The following GRK3 variants were observed in gnomAD, a reference collection of about 807,000 sequenced individuals.
GRK3 encodes the protein G protein-coupled receptor kinase 3, also known as adrenergic, beta, receptor kinase 2.
A neutral mutation model predicts 95.7 loss-of-function variants in GRK3; 54 were observed. The ratio of observed to expected loss-of-function variants is 0.56; its 90% CI spans 0.45 to 0.71. GRK3 has a LOEUF of 0.71. Ranked by LOEUF, GRK3 falls within the 30% of genes least tolerant of loss-of-function variation. The probability of loss-of-function intolerance (pLI) is 0.00; values close to 1 mark genes in which losing one functional copy is unlikely to be tolerated. For synonymous variants in GRK3, 281 were observed against 290.8 expected (o/e 0.97, Z 0.34); for missense variants, 649 against 851.2 (o/e 0.76, Z 2.96).
intron 1 of GRK3, among the ~76,000 whole-genome samples, chr22:25,572,192 C>CT (rs1437635463): frequency 6.6e-6 from 1 of 152,040 alleles, no homozygotes; most frequent in South Asian, 2.1e-4. Context: ...TAAACTCATC[C>CT]TTTTTTATGG....
chr22:25,638,300 A>G (rs533061804), intron 2 of GRK3, among the ~76,000 whole-genome samples: 2 of 152,358 alleles, frequency 1.3e-5, no homozygotes, highest in East Asian at 1.9e-4. Context: ...TAAATGCTAC[A>G]CTAGGAAGTC....
intron 2 of GRK3, among the ~76,000 whole-genome samples, chr22:25,609,823 C>T (rs2084482117): frequency 6.7e-6 from 1 of 150,134 alleles, no homozygotes; most frequent in Non-Finnish European, 1.5e-5. Context: ...GATATATAGA[C>T]ACAAAAACTT....
At chr22:25,713,197 C>G (rs933630360) in intron 17 of GRK3, among the ~76,000 whole-genome samples, 1 of 152,130 alleles carries the variant, frequency 6.6e-6, no homozygotes, top group Non-Finnish European at 1.5e-5. Context: ...CAGAGCCTGT[C>G]CCTGTGTGCC....
chr22:25,698,006 T>C (rs2085223302), intron 13 of GRK3, among the ~76,000 whole-genome samples: 1 of 151,814 alleles, frequency 6.6e-6, no homozygotes, highest in Non-Finnish European at 1.5e-5. Context: ...ATTTACTGCG[T>C]ACCTGCAATG....
chr22:25,665,431 A>T (rs1161983530), intron 5 of GRK3, among the ~76,000 whole-genome samples: 1 of 152,214 alleles, frequency 6.6e-6, no homozygotes, highest in East Asian at 1.9e-4. Context: ...CTATAACATA[A>T]ATAACATTGA....
Position 25,647,620 on chromosome 22 carries a change from A to C in GRK3, c.264+2955A>C, listed in dbSNP as rs1300700633. The C allele has an allele frequency of 2.0e-6, 3 of 1,492,858 alleles. No homozygotes were observed. The African/African-American group carries it at 4.1e-5, about 21-fold the overall frequency. The allele number at this position is 1,492,858 out of a possible 1,614,324, so 92.5% of individuals were successfully genotyped here. A position where few individuals can be genotyped will look rare whatever the true frequency, so the allele number is the denominator to read the frequency against. ...ATTTAAGAAGGGTGAAAAATTTCAA[A>C]TAATTAACAATACAGAAGGAGACTG... is the stretch of plus-strand genomic sequence containing the variant. On this transcript the variant is annotated intron_variant, in intron 3 of 20. Transcript: ENST00000324198.
chr22:25,613,730 A>C (rs2084515940), intron 2 of GRK3, among the ~76,000 whole-genome samples: 1 of 152,156 alleles, frequency 6.6e-6, no homozygotes, highest in African/African-American at 2.4e-5. Context: ...TGTTGGACTA[A>C]ACAAGTCTGG....
In GRK3 at chr22:25,686,876, G is replaced by C. The variant is rs568946228; in HGVS notation, c.827-661G>C. On this transcript the variant is annotated intron_variant, in intron 10 of 20. Coordinates refer to ENST00000324198, the MANE Select transcript of GRK3 (RefSeq NM_005160.4). ...TCTCTGTTGCCCAGGCTGGAGTGCA[G>C]TGGCGTGATCTTGGCTCACTGCAAT... Among the ~76,000 whole-genome samples the C allele has an allele frequency of 1.7e-4, 26 of 152,350 alleles. 1 individual carries two copies. Among genetic ancestry groups the C allele is most frequent in the Middle Eastern group, 6.8e-3 (2 of 294 alleles).
chr22:25,654,382 C>T (rs560433050), intron 3 of GRK3, among the ~76,000 whole-genome samples: 5 of 152,072 alleles, frequency 3.3e-5, no homozygotes, highest in Non-Finnish European at 4.4e-5. Flanking sequence ...ATATTCTTTT[C>T]TTTCTCATTT....
At chr22:25,683,629 G>A (rs6004739) in intron 9 of GRK3, among the ~76,000 whole-genome samples, 61 of 152,274 alleles carry the variant, frequency 4.0e-4, no homozygotes, top group African/African-American at 1.4e-3. Context: ...TGGAGACATC[G>A]AGGTTGAGCA....
intron 3 of GRK3, among the ~76,000 whole-genome samples, chr22:25,656,574 C>A (rs1569181979): frequency 6.6e-6 from 1 of 152,100 alleles, no homozygotes; most frequent in Non-Finnish European, 1.5e-5. Flanking sequence ...TGATCCTCCC[C>A]CCATAGCCTC....
intron 19 of GRK3, among the ~76,000 whole-genome samples, chr22:25,719,053 C>G (rs978507217): frequency 6.6e-6 from 1 of 152,124 alleles, no homozygotes; most frequent in Non-Finnish European, 1.5e-5. Flanking sequence ...GCAACTTGAG[C>G]ATCTGTGGAT....
chr22:25,687,314 G>A (rs2085123685), intron 10 of GRK3, among the ~76,000 whole-genome samples: 1 of 152,028 alleles, frequency 6.6e-6, no homozygotes, highest in Admixed American at 6.5e-5. Flanking sequence ...GCTTGGTTTT[G>A]CTGTCTTGTC....
intron 18 of GRK3, among the ~76,000 whole-genome samples, chr22:25,716,148 G>A (rs1472560389): frequency 6.6e-6 from 1 of 151,902 alleles, no homozygotes; most frequent in Non-Finnish European, 1.5e-5. Context: ...CACCACGCCT[G>A]GCTATTTTTT....
intron 4 of GRK3, among the ~76,000 whole-genome samples, chr22:25,661,991 T>G (rs1255595276): frequency 6.6e-6 from 1 of 152,238 alleles, no homozygotes; most frequent in African/African-American, 2.4e-5. Context: ...GCTTTATTAT[T>G]TTAAAATGAG....
In GRK3 at chr22:25,685,152, T is replaced by A. The variant is rs749075212; in HGVS notation, c.748-18T>A. The A allele has an allele frequency of 6.3e-7, 1 of 1,586,124 alleles. No homozygotes were observed. The highest frequency in any genetic ancestry group is 1.1e-5 in the South Asian group (1 of 89,518). On this transcript the variant is annotated intron_variant, in intron 9 of 20. Coordinates refer to ENST00000324198, the MANE Select transcript of GRK3 (RefSeq NM_005160.4). Reference sequence around the variant, plus strand: ...GCAGCTTTTGCTCTTCTTATAAACTTTTATTGTTTCACTCTAGGACTGTCC... The same window carrying A: ...GCAGCTTTTGCTCTTCTTATAAACTATTATTGTTTCACTCTAGGACTGTCC...
chr22:25,678,744 A>T (rs2877289), intron 8 of GRK3, 72 bp from the exon 9 acceptor site: 57,659 of 836,130 alleles, frequency 0.069, 2,334 homozygotes, highest in South Asian at 0.11. Context: ...CTTGCCCCAG[A>T]GTGACATATA....
chr22:25,622,450 T>A (rs1453098340), intron 2 of GRK3, among the ~76,000 whole-genome samples: 4 of 152,146 alleles, frequency 2.6e-5, no homozygotes. Context: ...TTTGAGGATG[T>A]GATCAGGGGA....
At chr22:25,652,142 G>A (rs185401280) in intron 3 of GRK3, among the ~76,000 whole-genome samples, 2 of 152,278 alleles carry the variant, frequency 1.3e-5, no homozygotes, top group East Asian at 1.9e-4. Context: ...TAGTCAGAAG[G>A]AAAATGATCT....
Sources: allele counts gnomAD v4.1 joint callset (sites outside exome capture counted in the v4.1 genomes callset), GRCh38; gene constraint gnomAD v4.1.1; transcripts MANE v1.5; gene names NCBI Gene and HGNC (gene_info 2026-07-23, HGNC 2026-07-21).